TMEM237: variants seen among roughly 807,000 people sequenced by gnomAD.
TMEM237 encodes the protein transmembrane protein 237, also known as amyotrophic lateral sclerosis 2 (juvenile) chromosome region, candidate 4.
Under a neutral mutation model 59.1 loss-of-function variants are expected in TMEM237, and 51 were observed. The ratio of observed to expected loss-of-function variants is 0.86; its 90% CI spans 0.69 to 1.09. The LOEUF (loss-of-function observed/expected upper bound fraction) is 1.09, where lower values mean the gene tolerates loss of function less well. TMEM237 is among the 50% of genes least tolerant of loss of function. TMEM237 has a pLI of 0.00. For missense variants in TMEM237, 475 were observed against 478.3 expected (o/e 0.99, Z 0.06); for synonymous variants, 140 against 166.1 (o/e 0.84, Z 1.21).
rs1957736218 is a variant in TMEM237, at chr2:201,624,179, ACAT to A, written c.*73_*75del. 1 of 1,067,866 alleles carries A rather than the reference ACAT, an allele frequency of 9.4e-7. No homozygotes were observed. 66.1% of individuals were successfully genotyped at this position (1,067,866 alleles called of 1,614,324 possible). On this transcript the variant is annotated 3_prime_UTR_variant, in exon 13 of 13. Transcript: ENST00000409883. ...AAATCTATTACAAATACACATGTAT[ACAT>A]CTTATAAAAATACATTTAAAAACAA...
rs558665286 is a variant in TMEM237 at position 201,623,107 on chromosome 2, T to C, written c.*1148A>G. The C allele has an allele frequency of 8.9e-5, 18 of 203,298 alleles. No homozygotes were observed. Among genetic ancestry groups the C allele is most frequent in the African/African-American group, 3.2e-4 (14 of 43,648 alleles). 12.6% of individuals were successfully genotyped at this position (203,298 alleles called of 1,614,324 possible). A position where few individuals can be genotyped will look rare whatever the true frequency, so the allele number is the denominator to read the frequency against. ...CAAACAGCAAAAGAGATTCCCAGTA[T>C]AATGTTCACTCCAAATTTAGACCTA... On this transcript the variant is annotated 3_prime_UTR_variant, in exon 13 of 13. Coordinates refer to ENST00000409883, the MANE Select transcript of TMEM237 (RefSeq NM_001044385.3).
rs764450175 is a variant in TMEM237, at chr2:201,633,387, A to C, written c.319T>G (p.Leu107Val). 1.3e-6 allele frequency: 2 copies of C among 1,582,158 alleles called. No individual in the cohort carries two copies. Among genetic ancestry groups the C allele is most frequent in the Non-Finnish European group, 1.7e-6 (2 of 1,163,236 alleles). The part of the protein sequence containing the change: ...STQKKSSSSS[L>V]LRNENGIDAE... The stretch of plus-strand genomic sequence containing the variant: ...TCAATACCATTTTCATTTCGTAATA[A>C]AGATGAACTAGATGACTTCTTTTGG... Residue 107 changes from leucine to valine, a missense_variant, in exon 6 of 13, where the codon TTA becomes GTA. Transcript: ENST00000409883.
intron 11 of TMEM237, 43 bp downstream of exon 11, chr2:201,627,278 G>A (rs2105898006): frequency 7.1e-7 from 1 of 1,405,802 alleles, no homozygotes; most frequent in Non-Finnish European, 9.9e-7. Context: ...AAAAGTTGCT[G>A]TTATTGCCAT....
Position 201,643,387 on chromosome 2 carries a change from G to T in TMEM237, c.14C>A (p.Ser5Ter), listed in dbSNP as rs562984785. MRTD[S>*]GARLEEGHLR... ...GTGGCCCTCCTCCAGCCGAGCCCCC[G>T]AGTCAGTCCTCATGGTGCTCTCCCC... The change falls in exon 1 of 13, where the codon TCG becomes TAG. Residue 5 changes from serine (S) to a stop codon, truncating the protein, a stop_gained. Coordinates refer to ENST00000409883, the MANE Select transcript of TMEM237 (RefSeq NM_001044385.3). LOFTEE classifies it high-confidence loss of function. The surrounding 1 kb of genome is among the most constrained non-coding windows in gnomAD (Gnocchi z 4.3). 13 of 1,541,604 alleles carry T rather than the reference G, an allele frequency of 8.4e-6. No homozygotes were observed. Among genetic ancestry groups the T allele is most frequent in the Non-Finnish European group, 1.1e-5 (13 of 1,142,678 alleles).
chr2:201,626,350 C>A (rs1174655661), intron 11 of TMEM237: 3 of 518,286 alleles, frequency 5.8e-6, no homozygotes, highest in Non-Finnish European at 1.0e-5. Flanking sequence ...AAACTCTGAA[C>A]AGATCTGCTG....
chr2:201,635,062 A>C lies in TMEM237; in HGVS notation c.275-1631T>G, dbSNP rs144241102. ...AAGTCATAATGCTCAAAATATAAAA[A>C]ATTAGTAAAATAAATGAAGGAAGAA... On this transcript the variant is annotated intron_variant, in intron 5 of 12. Transcript: ENST00000409883. The surrounding 1 kb of genome is among the most constrained non-coding windows in gnomAD (Gnocchi z 4.5). Among the ~76,000 whole-genome samples the C allele has an allele frequency of 2.4e-3, 360 of 152,332 alleles. 2 individuals carry two copies. The highest frequency in any genetic ancestry group is 6.8e-3 in the Middle Eastern group (2 of 294).
intron 3 of TMEM237, among the ~76,000 whole-genome samples, chr2:201,639,793 C>G (rs886457215): frequency 6.6e-6 from 1 of 151,684 alleles, no homozygotes; most frequent in African/African-American, 2.4e-5. Context: ...GAGACTCTGT[C>G]TCAAAACAAA....
chr2:201,639,049 TA>T lies in TMEM237; in HGVS notation c.80-5del. ...GGACGACTAAGTGGAATATCATCTA[TA>T]AAGCAAGAAAAAACGTCAACAGAAA... is the stretch of plus-strand genomic sequence containing the variant. On this transcript the variant is annotated splice_region_variant and splice_polypyrimidine_tract_variant and intron_variant, in intron 3 of 12. Transcript: ENST00000409883. The T allele has an allele frequency of 6.3e-7, 1 of 1,574,910 alleles. No homozygotes were observed.
chr2:201,638,940 A>G, intron 4 of TMEM237, 49 bp downstream of exon 4: 3 of 1,520,568 alleles, frequency 2.0e-6, no homozygotes, highest in Non-Finnish European at 1.8e-6. Context: ...ACTACGCCTG[A>G]GGTCCTGGGA....
At chr2:201,642,843 T>G (rs1483627751) in intron 1 of TMEM237, 137 of 1,343,164 alleles carry the variant, frequency 1.0e-4, no homozygotes, top group Non-Finnish European at 1.2e-4. Context: ...GGCCTCGGAG[T>G]TGGGGGTAAT....
chr2:201,632,447 C>A (rs902163888), intron 6 of TMEM237, among the ~76,000 whole-genome samples: 10 of 152,060 alleles, frequency 6.6e-5, no homozygotes, highest in African/African-American at 2.4e-4. Context: ...AGCTTCTTTC[C>A]AAATTTAAAA....
chr2:201,638,757 A>G (rs1355317533), intron 4 of TMEM237: 6 of 541,076 alleles, frequency 1.1e-5, no homozygotes, highest in Non-Finnish European at 2.0e-5. Flanking sequence ...AGGAGCTTAG[A>G]TGGCACCACC....
At position 201,632,088 on chromosome 2, in the gene TMEM237, A is replaced by G; in HGVS notation, c.516T>C (p.Ile172=). ...QQSVFTAPTG[I]SQPVGKVFVE... Reference sequence around the variant, plus strand: ...CAAATACTTTGCCTACAGGCTGGCTAATGCCAGTGGGTGCAGTGAATACAG... The same window carrying G: ...CAAATACTTTGCCTACAGGCTGGCTGATGCCAGTGGGTGCAGTGAATACAG... Residue 172 remains isoleucine, a synonymous_variant, in exon 7 of 13, where the codon ATT becomes ATC. Coordinates refer to ENST00000409883, the MANE Select transcript of TMEM237 (RefSeq NM_001044385.3). The G allele has an allele frequency of 1.2e-6, 2 of 1,613,930 alleles. No individual in the cohort carries two copies. The highest frequency in any genetic ancestry group is 1.1e-5 in the South Asian group (1 of 91,068).
At position 201,636,811 on chromosome 2, in the gene TMEM237, C is replaced by A. The variant is rs1407442522; in HGVS notation, c.211G>T (p.Glu71Ter). 6.2e-7 allele frequency: 1 copy of A among 1,600,766 alleles called. No homozygotes were observed. Among genetic ancestry groups the A allele is most frequent in the East Asian group, 2.2e-5 (1 of 44,694 alleles). ...GGAGCCTCTGGGTGCTCTTTGAGTT[C>A]TTTAGTTGATGGCTCATTGCCCTCA... The part of the protein sequence containing the change: ...PSEGNEPSTK[E>*]LKEHPEAPVQ... The change falls in exon 5 of 13, where the codon GAA (glutamate) becomes TAA (stop). Residue 71 changes from glutamate (E) to a stop codon, truncating the protein, a stop_gained. Coordinates refer to ENST00000409883, the MANE Select transcript of TMEM237 (RefSeq NM_001044385.3). LOFTEE classifies it high-confidence loss of function.
rs757805414 is a variant in TMEM237 at position 201,633,295 on chromosome 2, A to G, written c.395+16T>C. On this transcript the variant is annotated intron_variant, in intron 6 of 12. Transcript: ENST00000409883. ...GTAATCCTGGAGAATAGTTAGAAGA[A>G]TAAATAAATTCCTACTTTGTCTTCC... The G allele has an allele frequency of 1.9e-6, 3 of 1,592,584 alleles. No individual in the cohort carries two copies. In the Admixed American group the frequency reaches 5.2e-5, roughly 28 times the overall value.
At chr2:201,626,839 T>G (rs1198567870) in intron 11 of TMEM237, among the ~76,000 whole-genome samples, 2 of 152,198 alleles carry the variant, frequency 1.3e-5, no homozygotes, top group East Asian at 3.8e-4. Flanking sequence ...CCCAACAATA[T>G]GGGAGGCCAA....
intron 4 of TMEM237, 45 bp from the exon 5 acceptor site, chr2:201,636,930 G>T: frequency 6.4e-7 from 1 of 1,550,490 alleles, no homozygotes; most frequent in Non-Finnish European, 8.7e-7. Flanking sequence ...CTTGAGCAAA[G>T]ATCACTGAAT....
At position 201,643,046 on chromosome 2, in the gene TMEM237, G is replaced by T; in HGVS notation, c.42+313C>A. 1 of 1,254,050 alleles carries T rather than the reference G, an allele frequency of 8.0e-7. No homozygotes were observed. The highest frequency in any genetic ancestry group is 1.0e-6 in the Non-Finnish European group (1 of 977,764). The allele number at this position is 1,254,050 out of a possible 1,614,324, so 77.7% of individuals were successfully genotyped here. A position where few individuals can be genotyped will look rare whatever the true frequency, so the allele number is the denominator to read the frequency against. ...CTCGGAGGAGTCTAGGAGAGGCCTGGCTGGAAGCCCCGGCACCCGCCGGGC... is the reference window on the plus strand; with the variant it reads ...CTCGGAGGAGTCTAGGAGAGGCCTGTCTGGAAGCCCCGGCACCCGCCGGGC... On this transcript the variant is annotated intron_variant, in intron 1 of 12. Transcript: ENST00000409883. The surrounding 1 kb of genome is among the most constrained non-coding windows in gnomAD (Gnocchi z 4.3).
At chr2:201,639,625 G>A (rs1687372593) in intron 3 of TMEM237, among the ~76,000 whole-genome samples, 1 of 152,132 alleles carries the variant, frequency 6.6e-6, no homozygotes, top group Admixed American at 6.5e-5. Flanking sequence ...GCAAAACCCT[G>A]TCTCTACTGA....
Sources: allele counts gnomAD v4.1 joint callset (sites outside exome capture counted in the v4.1 genomes callset), GRCh38; gene constraint gnomAD v4.1.1; non-coding constraint Gnocchi (gnomAD v3.1); transcripts MANE v1.5; gene names NCBI Gene and HGNC (gene_info 2026-07-23, HGNC 2026-07-21).